The following CCDC170 variants were observed in gnomAD, a reference collection of about 807,000 sequenced individuals.
The protein encoded by CCDC170 is coiled-coil domain containing 170.
In CCDC170, 69 loss-of-function variants were observed where a neutral mutation model predicts 72.6. That is an observed-to-expected ratio of 0.95 (90% CI 0.78 to 1.16). CCDC170 has a LOEUF of 1.16. CCDC170 is among the 50% of genes most tolerant of loss of function. The pLI, the probability that CCDC170 is intolerant of heterozygous loss-of-function variation, is 0.00. For synonymous variants in CCDC170, 300 were observed against 303.9 expected (o/e 0.99, Z 0.13); for missense variants, 852 against 832.5 (o/e 1.02, Z -0.29).
intron 5 of CCDC170, among the ~76,000 whole-genome samples, chr6:151,562,024 A>G (rs2115074400): frequency 6.6e-6 from 1 of 152,270 alleles, no homozygotes; most frequent in East Asian, 1.9e-4. Flanking sequence ...TTAAAGCTCT[A>G]ACATTATTTT....
intron 6 of CCDC170, among the ~76,000 whole-genome samples, chr6:151,577,096 T>G (rs1006796340): frequency 1.3e-5 from 2 of 152,178 alleles, no homozygotes; most frequent in African/African-American, 4.8e-5. Context: ...AGATCTAATC[T>G]TCTTTTTAGA....
chr6:151,505,576 C>T lies in CCDC170; in HGVS notation c.57+11391C>T, dbSNP rs185300160. Among the ~76,000 whole-genome samples, 108 of 151,836 alleles carry T rather than the reference C, an allele frequency of 7.1e-4. No individual in the cohort carries two copies. In the East Asian group the frequency reaches 0.014, roughly 20 times the overall value. ...GCTGGTGCCTGCAGCCCCAGCTACCCGGGAGGTTGAGGCAGGAGAATGGCG... is the reference window on the plus strand; with the variant it reads ...GCTGGTGCCTGCAGCCCCAGCTACCTGGGAGGTTGAGGCAGGAGAATGGCG... On this transcript the variant is annotated intron_variant, in intron 1 of 10. Coordinates refer to ENST00000239374, the MANE Select transcript of CCDC170 (RefSeq NM_025059.4).
intron 5 of CCDC170, among the ~76,000 whole-genome samples, chr6:151,551,419 T>G (rs148726965): frequency 6.6e-6 from 1 of 152,312 alleles, no homozygotes; most frequent in African/African-American, 2.4e-5. Flanking sequence ...TTTTATATGC[T>G]TCCTCTTGAG....
intron 1 of CCDC170, among the ~76,000 whole-genome samples, chr6:151,529,500 T>C (rs1411316489): frequency 6.6e-6 from 1 of 151,890 alleles, no homozygotes; most frequent in Non-Finnish European, 1.5e-5. Context: ...CCACTAAAAA[T>C]ACAAAAATTA....
At chr6:151,535,568 A>C (rs1281608594) in intron 1 of CCDC170, among the ~76,000 whole-genome samples, 1 of 152,192 alleles carries the variant, frequency 6.6e-6, no homozygotes, top group Non-Finnish European at 1.5e-5. Flanking sequence ...AGACACTTTA[A>C]TCAACAGACA....
chr6:151,616,352 G>T (rs893848268), intron 10 of CCDC170, among the ~76,000 whole-genome samples: 1 of 152,088 alleles, frequency 6.6e-6, no homozygotes, highest in Non-Finnish European at 1.5e-5. Context: ...TCCATCAGGA[G>T]GTCAGGCGTA....
intron 1 of CCDC170, among the ~76,000 whole-genome samples, chr6:151,510,746 C>CT (rs140157286): frequency 0.097 from 14,411 of 148,066 alleles, 710 homozygotes; most frequent in Middle Eastern, 0.16. Context: ...TTTTCTTCTT[C>CT]TTTTTTTTTT....
At chr6:151,584,799 C>T (rs920342192) in intron 6 of CCDC170, among the ~76,000 whole-genome samples, 1 of 152,100 alleles carries the variant, frequency 6.6e-6, no homozygotes, top group Admixed American at 6.5e-5. Context: ...AATAGCCTTT[C>T]AAAAAGTTTA....
At chr6:151,598,570 C>G (rs543504837) in intron 9 of CCDC170, among the ~76,000 whole-genome samples, 3 of 152,006 alleles carry the variant, frequency 2.0e-5, no homozygotes, top group Non-Finnish European at 2.9e-5. Flanking sequence ...GGTGAGAGAC[C>G]GTCACAAATT....
intron 6 of CCDC170, among the ~76,000 whole-genome samples, chr6:151,578,662 G>A (rs1776337374): frequency 6.6e-6 from 1 of 152,162 alleles, no homozygotes; most frequent in African/African-American, 2.4e-5. Context: ...CAAAAGTTGA[G>A]ATGAACAGAG....
At chr6:151,606,616 G>C (rs964717446) in intron 9 of CCDC170, among the ~76,000 whole-genome samples, 1 of 152,192 alleles carries the variant, frequency 6.6e-6, no homozygotes, top group African/African-American at 2.4e-5. Flanking sequence ...GAAATATTCT[G>C]TAAATGTTAA....
intron 6 of CCDC170, among the ~76,000 whole-genome samples, chr6:151,584,185 C>A (rs1031461318): frequency 6.6e-6 from 1 of 152,188 alleles, no homozygotes; most frequent in East Asian, 1.9e-4. Flanking sequence ...AAAGTAAGTG[C>A]AATAAAGTGA....
intron 5 of CCDC170, among the ~76,000 whole-genome samples, chr6:151,566,173 A>G (rs1233735783): frequency 2.0e-5 from 3 of 152,230 alleles, no homozygotes; most frequent in African/African-American, 4.8e-5. Context: ...GATTTGGGGA[A>G]GGTCTTCCTC....
At chr6:151,551,206 T>C (rs1447314466) in intron 5 of CCDC170, among the ~76,000 whole-genome samples, 1 of 152,058 alleles carries the variant, frequency 6.6e-6, no homozygotes, top group East Asian at 1.9e-4. Flanking sequence ...TTATTGTTTA[T>C]TTATTGTTAC....
intron 6 of CCDC170, among the ~76,000 whole-genome samples, chr6:151,579,956 A>G (rs1438696923): frequency 6.6e-6 from 1 of 152,224 alleles, no homozygotes; most frequent in Non-Finnish European, 1.5e-5. Context: ...TAAGTGGTAC[A>G]GGGGAAATTG....
intron 6 of CCDC170, among the ~76,000 whole-genome samples, chr6:151,582,192 G>C (rs1474176128): frequency 6.6e-6 from 1 of 152,216 alleles, no homozygotes; most frequent in Non-Finnish European, 1.5e-5. Flanking sequence ...ATAGAAGGCT[G>C]ATTTGCCTAC....
intron 1 of CCDC170, among the ~76,000 whole-genome samples, chr6:151,526,182 T>G (rs1782407398): frequency 6.8e-6 from 1 of 146,244 alleles, no homozygotes; most frequent in Non-Finnish European, 1.5e-5. Context: ...TCTCTCTCTC[T>G]CCTCTCTCTC....
chr6:151,561,486 A>G (rs1776029697), intron 5 of CCDC170, among the ~76,000 whole-genome samples: 1 of 152,068 alleles, frequency 6.6e-6, no homozygotes, highest in Non-Finnish European at 1.5e-5. Flanking sequence ...TTAGTTTGGT[A>G]TGAAATTTTT....
chr6:151,551,908 A>G (rs1172777383), intron 5 of CCDC170, among the ~76,000 whole-genome samples: 2 of 152,130 alleles, frequency 1.3e-5, no homozygotes, highest in Admixed American at 6.5e-5. Flanking sequence ...ATAATAATCT[A>G]GTATCATTTC....
Sources: gnomAD v4.1 joint callset for allele counts (sites outside exome capture counted in the v4.1 genomes callset) on GRCh38, gnomAD v4.1.1 for gene constraint, MANE v1.5 for transcripts, NCBI Gene and HGNC (gene_info 2026-07-23, HGNC 2026-07-21) for gene names.